The following ATP2A2 variants were observed in gnomAD, a reference collection of about 807,000 sequenced individuals.
ATP2A2 encodes sarcoplasmic/endoplasmic reticulum calcium ATPase 2.
Under a neutral mutation model 109.3 loss-of-function variants are expected in ATP2A2, and 14 were observed. That is an observed-to-expected ratio of 0.13 (90% CI 0.08 to 0.20). The LOEUF (loss-of-function observed/expected upper bound fraction) is 0.20. ATP2A2 is among the 10% of genes least tolerant of loss of function. The probability of loss-of-function intolerance (pLI) is 1.00; values close to 1 mark genes in which losing one functional copy is unlikely to be tolerated. For synonymous variants in ATP2A2, 506 were observed against 490.9 expected (o/e 1.03, Z -0.41); for missense variants, 657 against 1,321.6 (o/e 0.50, Z 7.80).
intron 16 of ATP2A2, 72 bp downstream of exon 16, chr12:110,343,506 C>G: frequency 6.5e-7 from 1 of 1,550,012 alleles, no homozygotes; most frequent in African/African-American, 1.4e-5. Context: ...TAAATTCATC[C>G]CTTAAAAGCG....
At chr12:110,307,092 A>G (rs1038428975) in intron 5 of ATP2A2, among the ~76,000 whole-genome samples, 4 of 152,178 alleles carry the variant, frequency 2.6e-5, no homozygotes, top group African/African-American at 7.2e-5. Flanking sequence ...ATACCCAGTA[A>G]TGGGATCGCT....
rs1159592127 is a variant in ATP2A2, at chr12:110,349,978, T to G, written c.*3508T>G. ...CTCTGCACCACTAACCAAGACCTTG[T>G]CCTCTTGCCTGTCTCGCTGCTTTCA... On this transcript the variant is annotated 3_prime_UTR_variant, in exon 20 of 20. Transcript: ENST00000539276. 2.3e-6 allele frequency: 3 copies of G among 1,292,942 alleles called. No individual in the cohort carries two copies. The highest frequency in any genetic ancestry group is 3.0e-6 in the Non-Finnish European group (3 of 1,012,980). 80.1% of individuals were successfully genotyped at this position (1,292,942 alleles called of 1,614,324 possible).
intron 5 of ATP2A2, among the ~76,000 whole-genome samples, chr12:110,304,405 CCAA>C (rs1485035881): frequency 2.0e-5 from 3 of 152,182 alleles, no homozygotes; most frequent in African/African-American, 7.2e-5. Flanking sequence ...TACATTCCCA[CCAA>C]CAATGTATAC....
chr12:110,322,171 A>T (rs1276871282), intron 5 of ATP2A2, among the ~76,000 whole-genome samples: 1 of 152,106 alleles, frequency 6.6e-6, no homozygotes, highest in East Asian at 1.9e-4. Context: ...GTGCAGTGTT[A>T]CTAGTTTGCT....
rs367874869 is a variant in ATP2A2, at chr12:110,339,475, T to G, written c.1543-28T>G. ...TCCCGGTGAACCAATAAAACAAAAT[T>G]GTTTATCTAAATCTGTAACATTTCC... On this transcript the variant is annotated intron_variant, in intron 12 of 19. Coordinates refer to ENST00000539276, the MANE Select transcript of ATP2A2 (RefSeq NM_170665.4). This position sits in a 1 kb window ranked among gnomAD's most constrained non-coding sequence, Gnocchi z 4.4. 4.4e-5 allele frequency: 71 copies of G among 1,613,978 alleles called. No individual in the cohort carries two copies. In the African/African-American group the frequency reaches 8.7e-4, roughly 20 times the overall value.
intron 6 of ATP2A2, among the ~76,000 whole-genome samples, chr12:110,324,571 G>A (rs568094380): frequency 5.1e-4 from 78 of 152,208 alleles, no homozygotes; most frequent in African/African-American, 1.6e-3. Context: ...ATAGGCGTGC[G>A]CCACCATGCC....
intron 5 of ATP2A2, among the ~76,000 whole-genome samples, chr12:110,308,943 C>T (rs949021253): frequency 6.6e-6 from 1 of 151,894 alleles, no homozygotes; most frequent in African/African-American, 2.4e-5. Flanking sequence ...ACTGACTTAA[C>T]GATTTTGATA....
In ATP2A2 at chr12:110,347,574, GTGTA is replaced by G. The variant is rs959120532; in HGVS notation, c.*1108_*1111del. On this transcript the variant is annotated 3_prime_UTR_variant, in exon 20 of 20. Coordinates refer to ENST00000539276, the MANE Select transcript of ATP2A2 (RefSeq NM_170665.4). ...AACATAAGGGCAAGTGTGTATGTGT[GTGTA>G]TGTGTGTGTTTTGTAAAATCTGTAA... 8.8e-6 allele frequency: 11 copies of G among 1,252,456 alleles called. No individual in the cohort carries two copies. Among genetic ancestry groups the G allele is most frequent in the Non-Finnish European group, 1.1e-5 (11 of 967,378 alleles). The allele number at this position is 1,252,456 out of a possible 1,614,324, so 77.6% of individuals were successfully genotyped here. A position where few individuals can be genotyped will look rare whatever the true frequency, so the allele number is the denominator to read the frequency against.
At chr12:110,329,365 T>TTGCTTTTAACTTGCTTTATTCTGTG (rs1281469939) in intron 8 of ATP2A2, 1 of 152,244 alleles carries the variant, frequency 6.6e-6, no homozygotes, top group Non-Finnish European at 1.5e-5. Flanking sequence ...CTGACTAAAA[T>TTGCTTTTAACTTGCTTTATTCTGTG]TGCTTTTAAC....
At chr12:110,315,806 C>T (rs919512126) in intron 5 of ATP2A2, among the ~76,000 whole-genome samples, 4 of 152,136 alleles carry the variant, frequency 2.6e-5, no homozygotes, top group Non-Finnish European at 5.9e-5. Context: ...CCGGCCGCAT[C>T]GGCACACGCC....
At chr12:110,284,541 T>G (rs1872480658) in intron 3 of ATP2A2, among the ~76,000 whole-genome samples, 1 of 152,202 alleles carries the variant, frequency 6.6e-6, no homozygotes, top group South Asian at 2.1e-4. Context: ...ATATTAGCAT[T>G]TTAAATTAAT....
intron 5 of ATP2A2, among the ~76,000 whole-genome samples, chr12:110,298,335 G>T (rs1422148594): frequency 6.6e-6 from 1 of 152,130 alleles, no homozygotes; most frequent in Non-Finnish European, 1.5e-5. Flanking sequence ...TGTGTAAATG[G>T]TGTGTGTAAA....
chr12:110,326,103 T>G, intron 6 of ATP2A2: 1 of 460,584 alleles, frequency 2.2e-6, no homozygotes, highest in South Asian at 2.3e-5. Context: ...AAAAATAAAT[T>G]AATTTGAATA....
Position 110,340,628 on chromosome 12 carries a change from A to C in ATP2A2, c.1762-31A>C. On this transcript the variant is annotated intron_variant, in intron 13 of 19. Transcript: ENST00000539276. The surrounding 1 kb of genome is among the most constrained non-coding windows in gnomAD (Gnocchi z 6.0). ...TAGGGGACAAAAACTAGAACTTGCC[A>C]CTTTTATTTAAAGTGATGCTCTTAT... 2 of 1,611,258 alleles carry C rather than the reference A, an allele frequency of 1.2e-6. No homozygotes were observed. Among genetic ancestry groups the C allele is most frequent in the South Asian group, 2.2e-5 (2 of 90,940 alleles).
intron 8 of ATP2A2, among the ~76,000 whole-genome samples, chr12:110,328,361 C>A (rs11065628): frequency 0.41 from 62,779 of 151,618 alleles, 14,505 homozygotes; most frequent in African/African-American, 0.61. Context: ...ACCTGAGGTC[C>A]GAAGTTTGAG....
intron 3 of ATP2A2, among the ~76,000 whole-genome samples, chr12:110,283,280 A>C (rs1245970292): frequency 1.3e-5 from 2 of 152,146 alleles, no homozygotes. Context: ...CTGTGATGGC[A>C]CCCTTGTTGA....
At chr12:110,303,504 T>C (rs1279573622) in intron 5 of ATP2A2, among the ~76,000 whole-genome samples, 1 of 152,026 alleles carries the variant, frequency 6.6e-6, no homozygotes, top group Non-Finnish European at 1.5e-5. Context: ...TCCGACTCCC[T>C]GGTTCAAGCG....
At chr12:110,305,378 C>T (rs1329656063) in intron 5 of ATP2A2, among the ~76,000 whole-genome samples, 3 of 152,136 alleles carry the variant, frequency 2.0e-5, no homozygotes, top group Non-Finnish European at 4.4e-5. Context: ...GTCCTCCACC[C>T]TAGGCAACAA....
intron 5 of ATP2A2, among the ~76,000 whole-genome samples, chr12:110,316,849 G>GA (rs1163144265): frequency 7.9e-5 from 12 of 152,300 alleles, no homozygotes; most frequent in Middle Eastern, 3.4e-3. Context: ...TGCTCAGAGG[G>GA]AGGTGAGAGG....
Sources: allele counts gnomAD v4.1 joint callset (sites outside exome capture counted in the v4.1 genomes callset), GRCh38; gene constraint gnomAD v4.1.1; non-coding constraint Gnocchi (gnomAD v3.1); transcripts MANE v1.5; gene names NCBI Gene and HGNC (gene_info 2026-07-23, HGNC 2026-07-21).